The following DENND4C variants were observed in gnomAD, a reference collection of about 807,000 sequenced individuals.
The protein encoded by DENND4C is DENN domain containing 4C.
In DENND4C, 108 loss-of-function variants were observed where a neutral mutation model predicts 203.0. That is an observed-to-expected ratio of 0.53 (90% CI 0.46 to 0.62). The LOEUF is 0.62. Ranked by LOEUF, DENND4C falls within the 20% of genes least tolerant of loss-of-function variation. The probability of loss-of-function intolerance (pLI) is 0.00; values close to 1 mark genes in which losing one functional copy is unlikely to be tolerated. For missense variants in DENND4C, 2,481 were observed against 2,301.2 expected, an observed-to-expected ratio of 1.08 and a Z score of -1.60; for synonymous variants, 871 against 792.4, an observed-to-expected ratio of 1.10 and a Z score of -1.67.
chr9:19,253,433 T>C (rs1827149818), intron 1 of DENND4C, among the ~76,000 whole-genome samples: 1 of 152,214 alleles, frequency 6.6e-6, no homozygotes, highest in African/African-American at 2.4e-5. Flanking sequence ...AACTGCCTTG[T>C]GTTCTGAAAA....
intron 9 of DENND4C, among the ~76,000 whole-genome samples, chr9:19,304,682 G>A (rs1407655107): frequency 1.3e-5 from 2 of 150,736 alleles, no homozygotes; most frequent in African/African-American, 4.9e-5. Context: ...GACTATAGGG[G>A]CCCACCACCA....
intron 26 of DENND4C, among the ~76,000 whole-genome samples, chr9:19,353,797 C>T (rs1285429062): frequency 6.6e-6 from 1 of 151,874 alleles, no homozygotes; most frequent in African/African-American, 2.4e-5. Flanking sequence ...GTTAGCCCGA[C>T]ACCATGGCAC....
intron 22 of DENND4C, among the ~76,000 whole-genome samples, chr9:19,343,218 A>G (rs7849286): frequency 0.022 from 3,298 of 152,230 alleles, 124 homozygotes; most frequent in African/African-American, 0.073. Context: ...ATGCCAGTGG[A>G]TCTTTGATTT....
intron 26 of DENND4C, among the ~76,000 whole-genome samples, 184 bp from the exon 27 acceptor site, chr9:19,356,788 T>TGAGA (rs60635871): frequency 9.5e-4 from 133 of 140,414 alleles, no homozygotes; most frequent in African/African-American, 2.8e-3. Context: ...TGTGTGTGTG[T>TGAGA]GAGAGAGAGA....
intron 23 of DENND4C, among the ~76,000 whole-genome samples, chr9:19,350,073 C>A (rs997909459): frequency 2.4e-4 from 36 of 152,132 alleles, no homozygotes; most frequent in African/African-American, 8.4e-4. Context: ...GCAAAAAAAC[C>A]TGATTGTTGA....
chr9:19,268,840 TC>T (rs1564103322), intron 1 of DENND4C, among the ~76,000 whole-genome samples: 1 of 152,228 alleles, frequency 6.6e-6, no homozygotes, highest in Non-Finnish European at 1.5e-5. Context: ...TATGTGTTTT[TC>T]TTTTGCTGCT....
chr9:19,262,010 ATACTGATTTT>A (rs1464693712), intron 1 of DENND4C, among the ~76,000 whole-genome samples: 3 of 151,018 alleles, frequency 2.0e-5, no homozygotes, highest in Admixed American at 6.6e-5. Context: ...ACATATGGAA[ATACTGATTTT>A]TACTGATTTT....
At chr9:19,231,276 C>T (rs980075927) in intron 1 of DENND4C, among the ~76,000 whole-genome samples, 1 of 151,894 alleles carries the variant, frequency 6.6e-6, no homozygotes, top group African/African-American at 2.4e-5. Flanking sequence ...GGGTGGCGGG[C>T]AGTCTCGAGA....
intron 9 of DENND4C, 54 bp from the exon 10 acceptor site, chr9:19,305,298 T>A: frequency 6.7e-7 from 1 of 1,498,714 alleles, no homozygotes; most frequent in Non-Finnish European, 9.1e-7. Context: ...GTTACTTATA[T>A]ATTTTTTATT....
At chr9:19,322,644 G>T (rs1588917925) in intron 12 of DENND4C, among the ~76,000 whole-genome samples, 1 of 151,034 alleles carries the variant, frequency 6.6e-6, no homozygotes, top group East Asian at 2.0e-4. Flanking sequence ...GCTGAGGCAG[G>T]AGAATGGCAT....
chr9:19,365,277 T>C (rs1827400044), intron 30 of DENND4C, among the ~76,000 whole-genome samples: 1 of 152,178 alleles, frequency 6.6e-6, no homozygotes, highest in Non-Finnish European at 1.5e-5. Context: ...TAATATACTA[T>C]CAATAGAGTA....
At chr9:19,261,663 C>T (rs143885500) in intron 1 of DENND4C, among the ~76,000 whole-genome samples, 7 of 149,444 alleles carry the variant, frequency 4.7e-5, no homozygotes, top group Admixed American at 2.0e-4. Flanking sequence ...CCCACCAGGC[C>T]GGGCTAATTT....
intron 28 of DENND4C, among the ~76,000 whole-genome samples, chr9:19,359,637 T>C (rs1205662192): frequency 1.3e-5 from 2 of 151,892 alleles, no homozygotes; most frequent in African/African-American, 4.9e-5. Flanking sequence ...GGAAATGGTT[T>C]TGGAGACCAC....
intron 1 of DENND4C, among the ~76,000 whole-genome samples, chr9:19,247,340 C>G (rs952877570): frequency 1.3e-5 from 2 of 152,144 alleles, no homozygotes; most frequent in Admixed American, 1.3e-4. Context: ...TTAATTTGCT[C>G]TTGACTCAGG....
At chr9:19,271,391 G>C (rs1831632925) in intron 1 of DENND4C, among the ~76,000 whole-genome samples, 1 of 151,898 alleles carries the variant, frequency 6.6e-6, no homozygotes, top group African/African-American at 2.4e-5. Context: ...AGTAAAGACT[G>C]GGTTTGTCTA....
chr9:19,249,470 A>G (rs7048913), intron 1 of DENND4C, among the ~76,000 whole-genome samples: 103,086 of 151,770 alleles, frequency 0.68, 35,038 homozygotes, highest in South Asian at 0.78. Context: ...TGGCCAGGCT[A>G]GTCTTGAGCT....
chr9:19,275,688 C>G (rs1832764748), intron 1 of DENND4C, among the ~76,000 whole-genome samples: 1 of 151,618 alleles, frequency 6.6e-6, no homozygotes, highest in Non-Finnish European at 1.5e-5. Context: ...CTAGGCTGTT[C>G]TCGAGCTCCT....
chr9:19,236,489 A>G (rs1309656914), intron 1 of DENND4C, among the ~76,000 whole-genome samples: 1 of 152,248 alleles, frequency 6.6e-6, no homozygotes, highest in Non-Finnish European at 1.5e-5. Context: ...AGGCTGTGTC[A>G]TGAAGGGTCT....
Position 19,291,620 on chromosome 9 carries a change from G to A in DENND4C, c.801+744G>A, listed in dbSNP as rs1588855384. 3.3e-5 allele frequency among the ~76,000 whole-genome samples: 5 copies of A among 150,916 alleles called. No homozygotes were observed. The South Asian group carries it at 1.0e-3, about 32-fold the overall frequency. The stretch of plus-strand genomic sequence containing the variant: ...CTCGGGAGGGTGAGGCATGAGAATT[G>A]CTTGAACCCGGGAGACAGAGGTTGC... On this transcript the variant is annotated intron_variant, in intron 5 of 32. Transcript: ENST00000434457.
Sources: allele counts gnomAD v4.1 joint callset (sites outside exome capture counted in the v4.1 genomes callset), GRCh38; gene constraint gnomAD v4.1.1; transcripts MANE v1.5; gene names NCBI Gene and HGNC (gene_info 2026-07-23, HGNC 2026-07-21).